Variants in NANOGNB observed in about 807,000 individuals in gnomAD.
The protein encoded by NANOGNB is homeobox C14.
NANOGNB carries 30 observed loss-of-function variants against 25.0 expected under a neutral mutation model. The ratio of observed to expected loss-of-function variants is 1.20; its 90% CI spans 0.90 to 1.63. The LOEUF (loss-of-function observed/expected upper bound fraction) is 1.63. Ranked by LOEUF, NANOGNB falls within the 40% of genes most tolerant of loss-of-function variation. The probability of loss-of-function intolerance (pLI) is 0.00; values close to 1 mark genes in which losing one functional copy is unlikely to be tolerated. For synonymous variants in NANOGNB, 84 were observed against 62.1 expected (o/e 1.35, Z -1.66); for missense variants, 200 against 188.1 (o/e 1.06, Z -0.37).
chr12:7,771,511 G>T (rs894448689), intron 3 of NANOGNB, among the ~76,000 whole-genome samples: 1 of 152,014 alleles, frequency 6.6e-6, no homozygotes, highest in Non-Finnish European at 1.5e-5. Context: ...GAGCCACCGC[G>T]CCCAGCCAAT....
In NANOGNB at chr12:7,774,079, G is replaced by A. The variant is rs148911844; in HGVS notation, c.*228G>A. On this transcript the variant is annotated 3_prime_UTR_variant, in exon 4 of 4. Coordinates refer to ENST00000382119, the MANE Select transcript of NANOGNB (RefSeq NM_001145465.1). ...ACTGTAGATTTAAAGTTTTTATAAT[G>A]GATGTTAATTGATTTTATTTAAGAA... is the stretch of plus-strand genomic sequence containing the variant. 1.9e-3 allele frequency: 677 copies of A among 351,468 alleles called. 9 individuals carry two copies. The highest frequency in any genetic ancestry group is 0.013 in the African/African-American group (630 of 47,146). 21.8% of individuals were successfully genotyped at this position (351,468 alleles called of 1,614,324 possible). A position where few individuals can be genotyped will look rare whatever the true frequency, so the allele number is the denominator to read the frequency against.
chr12:7,773,493 G>C (rs1295972351), intron 3 of NANOGNB, among the ~76,000 whole-genome samples: 1 of 138,484 alleles, frequency 7.2e-6, no homozygotes, highest in Non-Finnish European at 1.5e-5. Context: ...CTGAGGTCAG[G>C]AGTTTGGGAC....
rs869038102 is a variant in NANOGNB, at chr12:7,773,546, C to CAAAAAAAAAAAAAAAA, written c.516-236_516-221dup. Among the ~76,000 whole-genome samples, 56 of 15,442 alleles carry CAAAAAAAAAAAAAAAA rather than the reference C, an allele frequency of 3.6e-3. 16 individuals carry two copies. The highest frequency in any genetic ancestry group is 4.3e-3 in the Non-Finnish European group (44 of 10,302). The allele number at this position is 15,442 out of a possible 152,430, so 10.1% of individuals were successfully genotyped here. On this transcript the variant is annotated intron_variant, in intron 3 of 3. Coordinates refer to ENST00000382119, the MANE Select transcript of NANOGNB (RefSeq NM_001145465.1). ...TGAAACTCCATCTCTACTAAAAATACAAAAAAAAAAAAAAAAAAAAAAAAA... is the reference window on the plus strand; with the variant it reads ...TGAAACTCCATCTCTACTAAAAATACAAAAAAAAAAAAAAAAAAAAAAAAAAAAAAAAAAAAAAAAA...
intron 1 of NANOGNB, among the ~76,000 whole-genome samples, chr12:7,769,071 C>T (rs1050825195): frequency 6.6e-6 from 1 of 152,158 alleles, no homozygotes; most frequent in African/African-American, 2.4e-5. Flanking sequence ...CTCCATCGCA[C>T]ACTGAAGGGT....
At chr12:7,773,043 A>G (rs1163992454) in intron 3 of NANOGNB, among the ~76,000 whole-genome samples, 1 of 151,836 alleles carries the variant, frequency 6.6e-6, no homozygotes, top group African/African-American at 2.4e-5. Context: ...CTCGAGACAT[A>G]GTCTAGGCTC....
intron 3 of NANOGNB, among the ~76,000 whole-genome samples, chr12:7,771,019 C>G (rs1865287998): frequency 6.6e-6 from 1 of 152,206 alleles, no homozygotes; most frequent in Admixed American, 6.5e-5. Context: ...TGCATGCCAC[C>G]ATTTAACATG....
intron 1 of NANOGNB, among the ~76,000 whole-genome samples, chr12:7,766,710 T>G (rs1439662821): frequency 6.6e-6 from 1 of 152,084 alleles, no homozygotes; most frequent in East Asian, 1.9e-4. Flanking sequence ...GTATTTTTAA[T>G]AGAGACGGGG....
chr12:7,765,450 G>C, intron 1 of NANOGNB, 63 bp downstream of exon 1: 2 of 325,794 alleles, frequency 6.1e-6, no homozygotes, highest in Non-Finnish European at 1.2e-5. Context: ...GGCGCCTGTA[G>C]TCCTAGCTAC....
intron 1 of NANOGNB, among the ~76,000 whole-genome samples, chr12:7,767,284 C>G (rs1417468820): frequency 6.6e-6 from 1 of 151,982 alleles, no homozygotes; most frequent in Admixed American, 6.6e-5. Context: ...AGAACACATA[C>G]AGAGAACTCT....
At chr12:7,768,338 A>G (rs1333379510) in intron 1 of NANOGNB, among the ~76,000 whole-genome samples, 2 of 151,992 alleles carry the variant, frequency 1.3e-5, no homozygotes, top group Non-Finnish European at 2.9e-5. Flanking sequence ...TAGGATTGCT[A>G]GCATTTTGTT....
rs1197530774 is a variant in NANOGNB, at chr12:7,767,719, G to A, written c.103-2264G>A. Among the ~76,000 whole-genome samples, 11 of 148,532 alleles carry A rather than the reference G, an allele frequency of 7.4e-5. No individual in the cohort carries two copies. In the East Asian group the frequency reaches 1.4e-3, roughly 19 times the overall value. ...AGAATCATACAATATATGACTTTTT[G>A]TATTTCAACTTTCACTTAACTTGCT... On this transcript the variant is annotated intron_variant, in intron 1 of 3. Coordinates refer to ENST00000382119, the MANE Select transcript of NANOGNB (RefSeq NM_001145465.1).
intron 1 of NANOGNB, chr12:7,766,062 C>T: frequency 2.5e-6 from 1 of 398,370 alleles, no homozygotes; most frequent in Non-Finnish European, 4.4e-6. Context: ...GAAAGAGCAG[C>T]CATTGACTTG....
At chr12:7,773,690 A>C in intron 3 of NANOGNB, 110 bp from the exon 4 acceptor site, 2 of 458,242 alleles carry the variant, frequency 4.4e-6, no homozygotes, top group Non-Finnish European at 3.7e-6. Context: ...GTGCCATTGC[A>C]CTCCAGCTTG....
chr12:7,772,477 C>A (rs910421679), intron 3 of NANOGNB, among the ~76,000 whole-genome samples: 2 of 151,356 alleles, frequency 1.3e-5, no homozygotes, highest in Non-Finnish European at 2.9e-5. Context: ...GGGGGTTTCA[C>A]CATGTTAGCC....
chr12:7,770,437 A>T lies in NANOGNB; in HGVS notation c.436-2A>T. 2 of 1,536,916 alleles carry T rather than the reference A, an allele frequency of 1.3e-6. No individual in the cohort carries two copies. The highest frequency in any genetic ancestry group is 1.8e-6 in the Non-Finnish European group (2 of 1,137,524). On this transcript the variant is annotated splice_acceptor_variant, in intron 2 of 3. Coordinates refer to ENST00000382119, the MANE Select transcript of NANOGNB (RefSeq NM_001145465.1). LOFTEE classifies it high-confidence loss of function. The stretch of plus-strand genomic sequence containing the variant: ...CACCTCCCACACCTCATTTTTTTGT[A>T]GATAAGTCAATGGTTTTGTAAAACG...
In NANOGNB at chr12:7,770,505, A is replaced by G; in HGVS notation, c.502A>G (p.Lys168Glu). 6.7e-7 allele frequency: 1 copy of G among 1,490,972 alleles called. No individual in the cohort carries two copies. The highest frequency in any genetic ancestry group is 9.1e-7 in the Non-Finnish European group (1 of 1,095,878). The allele number at this position is 1,490,972 out of a possible 1,614,324, so 92.4% of individuals were successfully genotyped here. A position where few individuals can be genotyped will look rare whatever the true frequency, so the allele number is the denominator to read the frequency against. ...AGAAATGTCCAAGAGAAAGCATAAG[A>G]AAAAACATATGAGGTAAGAAAGTGT... ...NKEMSKRKHK[K>E]KHMRWRSLCC... The change falls in exon 3 of 4, where the codon AAA becomes GAA. Residue 168 changes from lysine to glutamate, a missense_variant. Lys to Glu is a moderately conservative substitution (Grantham distance 56). Transcript: ENST00000382119.
At chr12:7,769,312 A>G (rs951014656) in intron 1 of NANOGNB, among the ~76,000 whole-genome samples, 13 of 145,808 alleles carry the variant, frequency 8.9e-5, no homozygotes, top group Middle Eastern at 3.7e-3. Flanking sequence ...TGTGCCTGCC[A>G]CCATGCCTGG....
rs973736040 is a variant in NANOGNB at position 7,773,901 on chromosome 12, C to T, written c.*50C>T. On this transcript the variant is annotated 3_prime_UTR_variant, in exon 4 of 4. Coordinates refer to ENST00000382119, the MANE Select transcript of NANOGNB (RefSeq NM_001145465.1). ...TGCTGTGATTACAAGCATGAGCCAT[C>T]GCACTGGCTAAGACATTTTACATGA... 13 of 604,400 alleles carry T rather than the reference C, an allele frequency of 2.2e-5. No individual in the cohort carries two copies. Among genetic ancestry groups the T allele is most frequent in the Middle Eastern group, 2.5e-4 (1 of 3,980 alleles). The allele number at this position is 604,400 out of a possible 1,614,324, so 37.4% of individuals were successfully genotyped here.
chr12:7,770,119 A>T lies in NANOGNB; in HGVS notation c.239A>T (p.Lys80Ile), dbSNP rs1167068511. 6.5e-7 allele frequency: 1 copy of T among 1,545,532 alleles called. No homozygotes were observed. The highest frequency in any genetic ancestry group is 1.4e-5 in the African/African-American group (1 of 72,912). Residue 80 changes from lysine (K) to isoleucine (I), a missense_variant, in exon 2 of 4, where the codon AAA (lysine) becomes ATA (isoleucine). Transcript: ENST00000382119. Reference sequence around the variant, plus strand: ...AAGAGAGAACGAGAAAAAGAAGAAAAAAACGAAAAGGAGCTGCAAGATGAA... The same window carrying T: ...AAGAGAGAACGAGAAAAAGAAGAAATAAACGAAAAGGAGCTGCAAGATGAA... ...GRKREREKEE[K>I]NEKELQDEQE...
Sources: allele counts gnomAD v4.1 joint callset (sites outside exome capture counted in the v4.1 genomes callset), GRCh38; gene constraint gnomAD v4.1.1; transcripts MANE v1.5; gene names NCBI Gene and HGNC (gene_info 2026-07-23, HGNC 2026-07-21).